The following GFRA2 variants were observed in gnomAD, a reference collection of about 807,000 sequenced individuals.
GFRA2 encodes the protein GDNF family receptor alpha 2, also known as GDNF family receptor alpha-2.
In GFRA2, 17 loss-of-function variants were observed where a neutral mutation model predicts 48.3. The observed-to-expected ratio is 0.35, with a 90% CI of 0.24 to 0.53. The LOEUF (loss-of-function observed/expected upper bound fraction) is 0.53, where lower values mean the gene tolerates loss of function less well. Among genes scored for constraint, GFRA2 ranks in the 20% least tolerant of loss-of-function variants. GFRA2 has a pLI of 0.93. For missense variants in GFRA2, 660 were observed against 637.3 expected, an observed-to-expected ratio of 1.04 and a Z score of -0.38; for synonymous variants, 305 against 257.2, an observed-to-expected ratio of 1.19 and a Z score of -1.78.
intron 4 of GFRA2, among the ~76,000 whole-genome samples, chr8:21,746,983 C>A (rs994520376): frequency 6.6e-6 from 1 of 152,114 alleles, no homozygotes; most frequent in Non-Finnish European, 1.5e-5. Flanking sequence ...AAAATGGGTG[C>A]CCTGTCCCAG....
At position 21,788,519 on chromosome 8, in the gene GFRA2, T is replaced by G; in HGVS notation, c.-360A>C. On this transcript the variant is annotated 5_prime_UTR_variant, in exon 1 of 9. Coordinates refer to ENST00000524240, the MANE Select transcript of GFRA2 (RefSeq NM_001495.5). ...CCCGCGGGTCCAATTCCCCTGCGCTTCCCAGGAGGGGCCTGGGGAGGTGGG... is the reference window on the plus strand; with the variant it reads ...CCCGCGGGTCCAATTCCCCTGCGCTGCCCAGGAGGGGCCTGGGGAGGTGGG... The G allele has an allele frequency of 9.6e-7, 1 of 1,042,842 alleles. No individual in the cohort carries two copies. Among genetic ancestry groups the G allele is most frequent in the Non-Finnish European group, 1.2e-6 (1 of 868,416 alleles). The allele number at this position is 1,042,842 out of a possible 1,614,324, so 64.6% of individuals were successfully genotyped here. A position where few individuals can be genotyped will look rare whatever the true frequency, so the allele number is the denominator to read the frequency against.
intron 4 of GFRA2, among the ~76,000 whole-genome samples, chr8:21,724,999 C>T (rs907813701): frequency 3.3e-5 from 5 of 152,210 alleles, no homozygotes; most frequent in Admixed American, 1.3e-4. Context: ...CTGGCCTTCC[C>T]GGCTAGGCCT....
At chr8:21,759,349 G>A (rs1428833533) in intron 3 of GFRA2, among the ~76,000 whole-genome samples, 1 of 150,700 alleles carries the variant, frequency 6.6e-6, no homozygotes, top group African/African-American at 2.4e-5. Context: ...ACGCACCATT[G>A]CACTCCAACC....
intron 2 of GFRA2, among the ~76,000 whole-genome samples, chr8:21,798,521 G>A (rs1016695704): frequency 5.3e-5 from 8 of 152,102 alleles, no homozygotes; most frequent in East Asian, 1.9e-4. Flanking sequence ...TCAGCCACCC[G>A]CTCTGCCACC....
chr8:21,707,968 T>C (rs1477767592), intron 4 of GFRA2, among the ~76,000 whole-genome samples: 1 of 152,246 alleles, frequency 6.6e-6, no homozygotes, highest in East Asian at 1.9e-4. Context: ...TATCCCATTT[T>C]ATAGATGAAG....
At chr8:21,719,674 A>G (rs1216003870) in intron 4 of GFRA2, among the ~76,000 whole-genome samples, 1 of 152,226 alleles carries the variant, frequency 6.6e-6, no homozygotes, top group East Asian at 1.9e-4. Context: ...TGAGCTAGGT[A>G]GCCAGCCAGC....
At chr8:21,738,233 C>T (rs1446128229) in intron 4 of GFRA2, among the ~76,000 whole-genome samples, 4 of 132,714 alleles carry the variant, frequency 3.0e-5, no homozygotes, top group South Asian at 2.9e-4. Context: ...CCCTCTTCCC[C>T]ACCCCCTTTT....
At chr8:21,741,463 C>T (rs911759797) in intron 4 of GFRA2, among the ~76,000 whole-genome samples, 1 of 152,082 alleles carries the variant, frequency 6.6e-6, no homozygotes, top group East Asian at 1.9e-4. Context: ...CTGCTCATTT[C>T]GGCAGCATTA....
intron 4 of GFRA2, among the ~76,000 whole-genome samples, chr8:21,749,237 T>C: frequency 7.1e-6 from 1 of 141,070 alleles, no homozygotes; most frequent in South Asian, 2.4e-4. Context: ...CCCCTCCCCC[T>C]GCAAAAAAAA....
intron 4 of GFRA2, among the ~76,000 whole-genome samples, chr8:21,713,984 G>A (rs1030410682): frequency 3.3e-5 from 5 of 152,122 alleles, no homozygotes; most frequent in African/African-American, 1.2e-4. Context: ...ACGTGGCAAA[G>A]AGTGCACGTG....
rs1465220759 is a variant in GFRA2, at chr8:21,721,793, C to T, written c.795-15752G>A. ...ACCGTGGGCTGGAGCCTGCCCACCA[C>T]ATCCCAGACCCACCAGGAAGCAGGG... On this transcript the variant is annotated intron_variant, in intron 4 of 8. Coordinates refer to ENST00000524240, the MANE Select transcript of GFRA2 (RefSeq NM_001495.5). Among the ~76,000 whole-genome samples the T allele has an allele frequency of 3.9e-5, 6 of 152,274 alleles. No individual in the cohort carries two copies. The East Asian group carries it at 1.2e-3, about 29-fold the overall frequency.
chr8:21,694,975 T>C (rs910337415), intron 7 of GFRA2, among the ~76,000 whole-genome samples: 4 of 152,220 alleles, frequency 2.6e-5, no homozygotes, highest in African/African-American at 9.6e-5. Flanking sequence ...TCCTGTTAAT[T>C]TGCCATGGCT....
At chr8:21,736,137 G>A (rs1370949902) in intron 4 of GFRA2, among the ~76,000 whole-genome samples, 1 of 152,208 alleles carries the variant, frequency 6.6e-6, no homozygotes, top group Non-Finnish European at 1.5e-5. Flanking sequence ...CCTAGCACAT[G>A]GCTGTTCCCT....
intron 4 of GFRA2, among the ~76,000 whole-genome samples, chr8:21,744,184 T>C (rs1804880500): frequency 6.6e-6 from 1 of 152,114 alleles, no homozygotes; most frequent in Non-Finnish European, 1.5e-5. Context: ...ACACCCCCCA[T>C]GCTGGGCAAG....
At chr8:21,706,106 C>G in intron 4 of GFRA2, 65 bp from the exon 5 acceptor site, 1 of 1,050,666 alleles carries the variant, frequency 9.5e-7, no homozygotes, top group Non-Finnish European at 1.4e-6. Flanking sequence ...TCTGTCTCCT[C>G]TGTCCTGCCA....
intron 4 of GFRA2, among the ~76,000 whole-genome samples, chr8:21,743,222 C>G (rs1030054201): frequency 6.6e-6 from 1 of 152,106 alleles, no homozygotes; most frequent in Non-Finnish European, 1.5e-5. Flanking sequence ...CAGTTAGGTT[C>G]TTCAGGAAGG....
rs941066594 is a variant in GFRA2, at chr8:21,691,045, G to A, written c.*2233C>T. 5.9e-5 allele frequency: 9 copies of A among 152,212 alleles called. No homozygotes were observed. Among genetic ancestry groups the A allele is most frequent in the Non-Finnish European group, 1.2e-4 (8 of 68,040 alleles). 9.4% of individuals were successfully genotyped at this position (152,212 alleles called of 1,614,324 possible). On this transcript the variant is annotated 3_prime_UTR_variant, in exon 9 of 9. Coordinates refer to ENST00000524240, the MANE Select transcript of GFRA2 (RefSeq NM_001495.5). ...GCAATACACCACAGTGATAAACGCT[G>A]TGAACGGATGCTGCTCACACATATA...
In GFRA2 at chr8:21,750,815, G is replaced by A; in HGVS notation, c.567C>T (p.Ile189=). The part of the protein sequence containing the change: ...SSYISICNRE[I]SPTERCNRRK... Reference sequence around the variant, plus strand: ...GGCGGTTGCAGCGCTCGGTGGGCGAGATCTCGCGGTTGCAGATGGAGATGT... The same window carrying A: ...GGCGGTTGCAGCGCTCGGTGGGCGAAATCTCGCGGTTGCAGATGGAGATGT... The change falls in exon 4 of 9, where the codon ATC becomes ATT. Residue 189 remains isoleucine, a synonymous_variant. Transcript: ENST00000524240. The surrounding 1 kb of genome is among the most constrained non-coding windows in gnomAD (Gnocchi z 5.7). 1 of 1,613,992 alleles carries A rather than the reference G, an allele frequency of 6.2e-7. No individual in the cohort carries two copies. The highest frequency in any genetic ancestry group is 8.5e-7 in the Non-Finnish European group (1 of 1,179,890).
chr8:21,725,926 A>C (rs1036069280), intron 4 of GFRA2, among the ~76,000 whole-genome samples: 3 of 152,212 alleles, frequency 2.0e-5, no homozygotes, highest in Non-Finnish European at 4.4e-5. Context: ...GGTGACAGTC[A>C]CAAGGGCAGA....
Sources: allele counts gnomAD v4.1 joint callset (sites outside exome capture counted in the v4.1 genomes callset), GRCh38; gene constraint gnomAD v4.1.1; non-coding constraint Gnocchi (gnomAD v3.1); transcripts MANE v1.5; gene names NCBI Gene and HGNC (gene_info 2026-07-23, HGNC 2026-07-21).